Variants in MAP4K4 observed in about 807,000 individuals in gnomAD.
The protein encoded by MAP4K4 is mitogen-activated protein kinase kinase kinase kinase 4.
Under a neutral mutation model 189.6 loss-of-function variants are expected in MAP4K4, and 38 were observed. The ratio of observed to expected loss-of-function variants is 0.20; its 90% CI spans 0.15 to 0.26. MAP4K4 has a LOEUF of 0.26. Ranked by LOEUF, MAP4K4 falls within the 10% of genes least tolerant of loss-of-function variation. MAP4K4 has a pLI of 1.00. For missense variants in MAP4K4, 1,054 were observed against 1,726.9 expected (o/e 0.61, Z 6.91); for synonymous variants, 610 against 624.3 (o/e 0.98, Z 0.34).
chr2:101,825,952 C>T (rs1165952409), intron 5 of MAP4K4, among the ~76,000 whole-genome samples: 4 of 152,198 alleles, frequency 2.6e-5, no homozygotes, highest in Non-Finnish European at 5.9e-5. Context: ...AGTTTCTGAA[C>T]TGCTATTTTA....
intron 2 of MAP4K4, among the ~76,000 whole-genome samples, chr2:101,741,496 G>A (rs1050468685): frequency 6.6e-6 from 1 of 151,950 alleles, no homozygotes; most frequent in African/African-American, 2.4e-5. Flanking sequence ...TAAGGATATC[G>A]CAGACTCCAT....
chr2:101,831,978 A>G (rs941473071), intron 7 of MAP4K4, 127 bp downstream of exon 7: 2 of 1,120,544 alleles, frequency 1.8e-6, no homozygotes, highest in Non-Finnish European at 2.5e-6. Context: ...TCAGTGAGGA[A>G]AATTGCAGGT....
At chr2:101,761,205 T>C (rs911153848) in intron 2 of MAP4K4, among the ~76,000 whole-genome samples, 1 of 152,252 alleles carries the variant, frequency 6.6e-6, no homozygotes, top group Non-Finnish European at 1.5e-5. Flanking sequence ...ATACTATCAT[T>C]GTAATGTGAT....
intron 21 of MAP4K4, among the ~76,000 whole-genome samples, chr2:101,869,143 A>G (rs1324158197): frequency 6.6e-6 from 1 of 151,920 alleles, no homozygotes; most frequent in Admixed American, 6.6e-5. Flanking sequence ...TAAATATTAA[A>G]CCTTAGCGCT....
intron 12 of MAP4K4, among the ~76,000 whole-genome samples, chr2:101,845,027 A>G (rs2097053154): frequency 6.6e-6 from 1 of 152,176 alleles, no homozygotes; most frequent in Non-Finnish European, 1.5e-5. Flanking sequence ...ATGATGGTCT[A>G]CAAGTCAAGG....
chr2:101,872,284 T>C (rs748956230), intron 24 of MAP4K4, among the ~76,000 whole-genome samples: 6 of 152,198 alleles, frequency 3.9e-5, no homozygotes, highest in Non-Finnish European at 8.8e-5. Context: ...AGCCAAATTA[T>C]TTTTGGGAAA....
chr2:101,879,445 T>C (rs1329062444), intron 27 of MAP4K4, among the ~76,000 whole-genome samples: 4 of 152,030 alleles, frequency 2.6e-5, no homozygotes, highest in African/African-American at 9.7e-5. Flanking sequence ...CCCTCTCCTT[T>C]TCTCTGTAAG....
chr2:101,775,643 A>G (rs1312404727), intron 2 of MAP4K4, among the ~76,000 whole-genome samples: 1 of 152,082 alleles, frequency 6.6e-6, no homozygotes, highest in East Asian at 1.9e-4. Flanking sequence ...GTGATTTGCC[A>G]TCTGTTTTAT....
intron 2 of MAP4K4, among the ~76,000 whole-genome samples, chr2:101,702,658 C>T (rs761012105): frequency 1.3e-5 from 2 of 152,130 alleles, no homozygotes; most frequent in South Asian, 2.1e-4. Context: ...GTAACAGTAA[C>T]GTGGAAGTCA....
At chr2:101,886,615 A>G (rs1447791318) in intron 29 of MAP4K4, among the ~76,000 whole-genome samples, 1 of 152,218 alleles carries the variant, frequency 6.6e-6, no homozygotes, top group Non-Finnish European at 1.5e-5. Flanking sequence ...AGTGTCTTCT[A>G]GATGCTAATT....
At chr2:101,788,282 A>G (rs994094451) in intron 2 of MAP4K4, among the ~76,000 whole-genome samples, 8 of 152,204 alleles carry the variant, frequency 5.3e-5, no homozygotes, top group Non-Finnish European at 1.2e-4. Context: ...TGGAATGAGG[A>G]TGAATCCCTG....
chr2:101,753,337 C>T (rs1201737604), intron 2 of MAP4K4, among the ~76,000 whole-genome samples: 1 of 152,218 alleles, frequency 6.6e-6, no homozygotes, highest in Non-Finnish European at 1.5e-5. Context: ...CTTGCCTACC[C>T]CATAACATGC....
intron 2 of MAP4K4, among the ~76,000 whole-genome samples, chr2:101,719,895 C>T (rs1414492701): frequency 6.6e-6 from 1 of 151,838 alleles, no homozygotes; most frequent in African/African-American, 2.4e-5. Flanking sequence ...GCCTGTAGTC[C>T]CAGCTACTTG....
chr2:101,876,836 T>G (rs2150127284), intron 26 of MAP4K4, among the ~76,000 whole-genome samples, 167 bp from the exon 27 acceptor site: 1 of 152,362 alleles, frequency 6.6e-6, no homozygotes, highest in Admixed American at 6.5e-5. Context: ...TATTGCAGGA[T>G]TGGTTACTTT....
intron 23 of MAP4K4, 115 bp from the exon 24 acceptor site, chr2:101,871,379 C>T: frequency 1.2e-6 from 1 of 819,738 alleles, no homozygotes; most frequent in Admixed American, 3.0e-5. Context: ...TTGGTTTTTC[C>T]TTGGTAATTT....
At chr2:101,782,922 C>T (rs190837380) in intron 2 of MAP4K4, among the ~76,000 whole-genome samples, 42 of 152,282 alleles carry the variant, frequency 2.8e-4, no homozygotes, top group African/African-American at 9.6e-4. Flanking sequence ...AGTGCCCAAC[C>T]AGTCAAGCTG....
At chr2:101,776,090 CATT>C (rs2150436287) in intron 2 of MAP4K4, among the ~76,000 whole-genome samples, 1 of 152,262 alleles carries the variant, frequency 6.6e-6, no homozygotes, top group East Asian at 1.9e-4. Flanking sequence ...GCCTTTCTGA[CATT>C]ATTCCCCATC....
intron 27 of MAP4K4, among the ~76,000 whole-genome samples, chr2:101,880,956 A>G (rs2098370661): frequency 6.6e-6 from 1 of 152,034 alleles, no homozygotes; most frequent in Non-Finnish European, 1.5e-5. Flanking sequence ...TTTTAATGTT[A>G]TGTGGACTGT....
intron 3 of MAP4K4, among the ~76,000 whole-genome samples, chr2:101,817,065 C>A (rs2095772009): frequency 6.6e-6 from 1 of 151,280 alleles, no homozygotes; most frequent in Non-Finnish European, 1.5e-5. Flanking sequence ...GGGCTATAAT[C>A]TAGAGGTAAT....
Sources: allele counts gnomAD v4.1 joint callset (sites outside exome capture counted in the v4.1 genomes callset), GRCh38; gene constraint gnomAD v4.1.1; transcripts MANE v1.5; gene names NCBI Gene and HGNC (gene_info 2026-07-23, HGNC 2026-07-21).